Variants in CALN1 observed in about 807,000 individuals in gnomAD.
CALN1 encodes calneuron 1, also known as calcium-binding protein 8.
CALN1 carries 17 observed loss-of-function variants against 30.6 expected under a neutral mutation model. That is an observed-to-expected ratio of 0.56 (90% CI 0.38 to 0.83). The LOEUF (loss-of-function observed/expected upper bound fraction) is 0.83. CALN1 is among the 40% of genes least tolerant of loss of function. The pLI is 0.00. For synonymous variants in CALN1, 156 were observed against 131.4 expected (o/e 1.19, Z -1.28); for missense variants, 291 against 354.9 (o/e 0.82, Z 1.45).
chr7:72,181,951 A>G (rs1789840774), intron 3 of CALN1, among the ~76,000 whole-genome samples: 1 of 152,216 alleles, frequency 6.6e-6, no homozygotes, highest in Admixed American at 6.5e-5. Context: ...CAGGTATAGC[A>G]TGTTCAGTGA....
rs1797539080 is a variant in CALN1 at position 72,278,810 on chromosome 7, C to T, written c.120G>A (p.Trp40Ter). 6.2e-7 allele frequency: 1 copy of T among 1,612,638 alleles called. No individual in the cohort carries two copies. Among genetic ancestry groups the T allele is most frequent in the African/African-American group, 1.3e-5 (1 of 74,896 alleles). Residue 40 changes from tryptophan to a stop codon, truncating the protein, a stop_gained and splice_region_variant, in exon 3 of 7, where the codon TGG (tryptophan) becomes TGA (stop). Coordinates refer to ENST00000395275, the MANE Select transcript of CALN1 (RefSeq NM_031468.4). LOFTEE classifies it high-confidence loss of function. ...TCACATGGTGGAACGGCATCTTTTCCCTGCCCAAGAGAGAACAGGGGAGGG... is the reference window on the plus strand; with the variant it reads ...TCACATGGTGGAACGGCATCTTTTCTCTGCCCAAGAGAGAACAGGGGAGGG... The part of the protein sequence containing the change: ...PRSQAPDFPT[W>*]EKMPFHHVTA...
chr7:71,827,159 G>A (rs970898721), intron 5 of CALN1, among the ~76,000 whole-genome samples: 9 of 152,160 alleles, frequency 5.9e-5, no homozygotes, highest in Non-Finnish European at 8.8e-5. Flanking sequence ...TCAACTTGGC[G>A]TGTCACTTAA....
At chr7:72,043,037 T>C (rs796175833) in intron 4 of CALN1, among the ~76,000 whole-genome samples, 14 of 152,348 alleles carry the variant, frequency 9.2e-5, no homozygotes, top group East Asian at 5.8e-4. Flanking sequence ...AGAGCAGGAA[T>C]AGATGCATGG....
intron 1 of CALN1, among the ~76,000 whole-genome samples, chr7:72,427,604 A>G (rs1807837379): frequency 6.6e-6 from 1 of 152,172 alleles, no homozygotes; most frequent in African/African-American, 2.4e-5. Flanking sequence ...ATCACTCCTG[A>G]GTAGCTGGGA....
upstream of CALN1, among the ~76,000 whole-genome samples, chr7:72,447,683 T>C (rs1808569718): frequency 6.6e-6 from 1 of 151,318 alleles, no homozygotes; most frequent in African/African-American, 2.4e-5. Context: ...CACCCATGCC[T>C]GCCTATTATA....
chr7:71,877,406 T>A (rs1407967275), intron 5 of CALN1, among the ~76,000 whole-genome samples: 1 of 152,194 alleles, frequency 6.6e-6, no homozygotes, highest in South Asian at 2.1e-4. Context: ...AAGAAAATTA[T>A]CTTCTCATTA....
At chr7:72,053,090 C>T (rs1318020331) in intron 4 of CALN1, among the ~76,000 whole-genome samples, 3 of 152,144 alleles carry the variant, frequency 2.0e-5, no homozygotes, top group Non-Finnish European at 4.4e-5. Flanking sequence ...ATTGGCCAGA[C>T]GTGGTGACGG....
At position 71,974,417 on chromosome 7, in the gene CALN1, CAAAAAAA is replaced by C. The variant is rs1052896558; in HGVS notation, c.501+49233_501+49239del. On this transcript the variant is annotated intron_variant, in intron 5 of 6. Transcript: ENST00000395275. ...TGGGTGACAGAGCAAGACTCCATCT[CAAAAAAA>C]AAAAAAAAAAAAAAAAAAGGAAAAA... 2.2e-3 allele frequency among the ~76,000 whole-genome samples: 120 copies of C among 55,048 alleles called. 1 individual carries two copies. Among genetic ancestry groups the C allele is most frequent in the Middle Eastern group, 0.014 (1 of 70 alleles). 36.1% of individuals were successfully genotyped at this position (55,048 alleles called of 152,430 possible).
At chr7:71,892,447 G>T (rs777365242) in intron 5 of CALN1, among the ~76,000 whole-genome samples, 1 of 152,108 alleles carries the variant, frequency 6.6e-6, no homozygotes, top group Non-Finnish European at 1.5e-5. Context: ...GACCAGCCTT[G>T]GGCAACAAGG....
intron 3 of CALN1, among the ~76,000 whole-genome samples, chr7:72,143,282 G>T (rs1025422727): frequency 6.6e-6 from 1 of 152,184 alleles, no homozygotes; most frequent in Admixed American, 6.5e-5. Flanking sequence ...GTCCTTAAAG[G>T]ACCTGATGGA....
intron 2 of CALN1, among the ~76,000 whole-genome samples, chr7:72,310,923 A>C (rs56676389): frequency 1.0e-4 from 13 of 128,376 alleles, no homozygotes; most frequent in Admixed American, 2.3e-4. Context: ...AAAAAAAAAA[A>C]AAAAACAAAA....
intron 3 of CALN1, among the ~76,000 whole-genome samples, chr7:72,237,166 T>A (rs1297419363): frequency 6.6e-6 from 1 of 152,044 alleles, no homozygotes; most frequent in African/African-American, 2.4e-5. Context: ...CTATTTTTAG[T>A]AGAGACGGCG....
intron 5 of CALN1, among the ~76,000 whole-genome samples, chr7:71,863,387 G>A (rs111774028): frequency 0.16 from 23,541 of 151,358 alleles, 2,486 homozygotes; most frequent in Non-Finnish European, 0.23. Flanking sequence ...GTGAAACCTC[G>A]ACTCTACTAA....
At chr7:72,205,700 AT>A (rs1313927064) in intron 3 of CALN1, among the ~76,000 whole-genome samples, 13 of 150,016 alleles carry the variant, frequency 8.7e-5, no homozygotes, top group African/African-American at 1.5e-4. Context: ...AAATTTATCA[AT>A]TTTTCCTTTA....
At chr7:72,456,170 G>A in the CALN1 span, among the ~76,000 whole-genome samples, 1 of 144,764 alleles carries the variant, frequency 6.9e-6, no homozygotes, top group African/African-American at 2.6e-5. Flanking sequence ...GCAACAGAGC[G>A]ACACTCAGTC....
chr7:71,888,576 G>A (rs1271738396), intron 5 of CALN1, among the ~76,000 whole-genome samples: 2 of 152,052 alleles, frequency 1.3e-5, no homozygotes, highest in African/African-American at 2.4e-5. Context: ...AGTAGTCTTT[G>A]ATGTTGCTAA....
At chr7:71,863,657 A>G (rs1157924746) in intron 5 of CALN1, among the ~76,000 whole-genome samples, 1 of 152,082 alleles carries the variant, frequency 6.6e-6, no homozygotes, top group Non-Finnish European at 1.5e-5. Context: ...ACACTGCAAA[A>G]CAACGGAATT....
chr7:71,874,006 G>A (rs1465333924), intron 5 of CALN1, among the ~76,000 whole-genome samples: 1 of 152,214 alleles, frequency 6.6e-6, no homozygotes, highest in Non-Finnish European at 1.5e-5. Flanking sequence ...CAGGTGCAGT[G>A]GCTCACGCCT....
intron 3 of CALN1, among the ~76,000 whole-genome samples, chr7:72,157,869 G>C (rs1051263194): frequency 1.3e-5 from 2 of 152,128 alleles, no homozygotes; most frequent in Admixed American, 1.3e-4. Context: ...TCAGCCTCCA[G>C]AGTAGCTGGG....
Sources: gnomAD v4.1 joint callset for allele counts (sites outside exome capture counted in the v4.1 genomes callset) on GRCh38, gnomAD v4.1.1 for gene constraint, MANE v1.5 for transcripts, NCBI Gene and HGNC (gene_info 2026-07-23, HGNC 2026-07-21) for gene names.